CLSPN: variants seen among roughly 807,000 people sequenced by gnomAD.
CLSPN encodes the protein claspin.
Under a neutral mutation model 156.3 loss-of-function variants are expected in CLSPN, and 85 were observed. The ratio of observed to expected loss-of-function variants is 0.54; its 90% CI spans 0.46 to 0.65. The LOEUF is 0.65. Among genes scored for constraint, CLSPN ranks in the 30% least tolerant of loss-of-function variants. CLSPN has a pLI of 0.00. For synonymous variants in CLSPN, 534 were observed against 542.4 expected (o/e 0.98, Z 0.22); for missense variants, 1,407 against 1,554.9 (o/e 0.90, Z 1.60).
At chr1:35,738,613 G>C (rs767349415) in intron 20 of CLSPN, 31 bp from the exon 21 acceptor site, 25 of 1,611,840 alleles carry the variant, frequency 1.6e-5, no homozygotes, top group Non-Finnish European at 1.9e-5. Context: ...ATCAGCATTC[G>C]GCAGTCCTCA....
intron 24 of CLSPN, among the ~76,000 whole-genome samples, chr1:35,726,517 A>C (rs894735567): frequency 6.6e-6 from 1 of 152,184 alleles, no homozygotes; most frequent in Admixed American, 6.5e-5. Flanking sequence ...AAATTGTGAC[A>C]AAAGGAAATT....
intron 1 of CLSPN, among the ~76,000 whole-genome samples, chr1:35,766,630 G>C (rs1364542034): frequency 1.3e-5 from 2 of 151,340 alleles, no homozygotes; most frequent in African/African-American, 4.9e-5. Context: ...TTTTAGTAGA[G>C]ATGGGGTTTC....
chr1:35,769,695 G>T, intron 1 of CLSPN, 152 bp downstream of exon 1: 2 of 636,718 alleles, frequency 3.1e-6, no homozygotes, highest in Non-Finnish European at 4.9e-6. Context: ...TCCCGGCCGA[G>T]TCTCGAGGCC....
Position 35,736,318 on chromosome 1 carries a change from T to A in CLSPN, c.*178A>T. ...AATCAGTGGCCAATTCAGGGAATAA[T>A]ACTAGGAAAAGAGATGTCCAGAGCT... On this transcript the variant is annotated 3_prime_UTR_variant, in exon 25 of 25. Coordinates refer to ENST00000318121, the MANE Select transcript of CLSPN (RefSeq NM_022111.4). 1 of 1,232,786 alleles carries A rather than the reference T, an allele frequency of 8.1e-7. No individual in the cohort carries two copies. Among genetic ancestry groups the A allele is most frequent in the Middle Eastern group, 3.2e-4 (1 of 3,152 alleles). 76.4% of individuals were successfully genotyped at this position (1,232,786 alleles called of 1,614,324 possible). A position where few individuals can be genotyped will look rare whatever the true frequency, so the allele number is the denominator to read the frequency against.
At chr1:35,749,888 T>C (rs1292120758) in intron 10 of CLSPN, 77 bp from the exon 11 acceptor site, 1 of 1,487,134 alleles carries the variant, frequency 6.7e-7, no homozygotes, top group Non-Finnish European at 9.0e-7. Flanking sequence ...TAGCCTGAAA[T>C]ATGGCTGATT....
In CLSPN at chr1:35,726,489, G is replaced by A. The variant is rs527491651; in HGVS notation, c.3910-5509C>T. 5.9e-5 allele frequency among the ~76,000 whole-genome samples: 9 copies of A among 152,270 alleles called. No homozygotes were observed. In the South Asian group the frequency reaches 8.3e-4, roughly 14 times the overall value. ...ACAATGCTGGGTGGTGGTGGTGGGG[G>A]TGCGGTTTCAAGAAGTCAAATTGTG... On this transcript the variant is annotated intron_variant, in intron 24 of 24. Transcript: ENST00000251195.
Position 35,736,389 on chromosome 1 carries a change from T to A in CLSPN, c.*107A>T. The A allele has an allele frequency of 1.4e-6, 2 of 1,442,816 alleles. No individual in the cohort carries two copies. The highest frequency in any genetic ancestry group is 1.8e-6 in the Non-Finnish European group (2 of 1,098,588). 89.4% of individuals were successfully genotyped at this position (1,442,816 alleles called of 1,614,324 possible). On this transcript the variant is annotated 3_prime_UTR_variant, in exon 25 of 25. Transcript: ENST00000318121. ...ATTTCTGTCTGCAATCTTATTGCATTGATTATGAAAGAAGGAAGGATCATT... is the reference window on the plus strand; with the variant it reads ...ATTTCTGTCTGCAATCTTATTGCATAGATTATGAAAGAAGGAAGGATCATT...
rs548353420 is a variant in CLSPN at position 35,769,947 on chromosome 1, C to G, written c.-77G>C. 6.4e-7 allele frequency: 1 copy of G among 1,557,420 alleles called. No individual in the cohort carries two copies. The highest frequency in any genetic ancestry group is 8.8e-7 in the Non-Finnish European group (1 of 1,138,976). On this transcript the variant is annotated 5_prime_UTR_variant, in exon 1 of 25. Coordinates refer to ENST00000318121, the MANE Select transcript of CLSPN (RefSeq NM_022111.4). ...TCAGCCGGAGAGCAGCGGCTCCCGCCGTCTCCAGCCCAGCAGTGCTGTTCT... is the reference window on the plus strand; with the variant it reads ...TCAGCCGGAGAGCAGCGGCTCCCGCGGTCTCCAGCCCAGCAGTGCTGTTCT...
At chr1:35,752,703 G>A (rs1326438908) in intron 9 of CLSPN, among the ~76,000 whole-genome samples, 1 of 151,628 alleles carries the variant, frequency 6.6e-6, no homozygotes, top group Non-Finnish European at 1.5e-5. Context: ...ACTTGAGCAA[G>A]TGTCTTAAGT....
chr1:35,743,835 T>G (rs1641781290), intron 16 of CLSPN, among the ~76,000 whole-genome samples: 1 of 152,160 alleles, frequency 6.6e-6, no homozygotes, highest in African/African-American at 2.4e-5. Flanking sequence ...TTGCCCAGGT[T>G]CATCTTGAAT....
Position 35,765,262 on chromosome 1 carries a change from C to T in CLSPN, c.89G>A (p.Ser30Asn). The part of the protein sequence containing the change: ...SQEEADSPSD[S>N]GQGSYETIGP... ...AATTGTTTCATAGCTGCCCTGTCCA[C>T]TATCTGAAGGACTATCTGCTTCCTC... is the stretch of plus-strand genomic sequence containing the variant. The change falls in exon 2 of 25, where the codon AGT becomes AAT. Residue 30 changes from serine (S) to asparagine (N), a missense_variant. Physicochemically the swap from Ser to Asn is conservative, Grantham distance 46. Coordinates refer to ENST00000318121, the MANE Select transcript of CLSPN (RefSeq NM_022111.4). 1 of 1,613,976 alleles carries T rather than the reference C, an allele frequency of 6.2e-7. No individual in the cohort carries two copies. Among genetic ancestry groups the T allele is most frequent in the Non-Finnish European group, 8.5e-7 (1 of 1,179,910 alleles).
intron 16 of CLSPN, among the ~76,000 whole-genome samples, chr1:35,744,796 A>C (rs1418430895): frequency 6.6e-6 from 1 of 152,058 alleles, no homozygotes; most frequent in Non-Finnish European, 1.5e-5. Context: ...AAATTGCTGG[A>C]TCATATGGTC....
chr1:35,728,895 A>G (rs1214796207), downstream of CLSPN, among the ~76,000 whole-genome samples: 2 of 149,936 alleles, frequency 1.3e-5, no homozygotes, highest in Non-Finnish European at 3.0e-5. Flanking sequence ...CTACAGAGAC[A>G]TTCACTCAAC....
downstream of CLSPN, among the ~76,000 whole-genome samples, chr1:35,729,153 T>A (rs1435407522): frequency 1.3e-5 from 2 of 151,904 alleles, no homozygotes; most frequent in Non-Finnish European, 2.9e-5. Context: ...TTTCCTTCCT[T>A]CAGCCTCTGA....
rs756927741 is a variant in CLSPN, at chr1:35,745,543, T to C, written c.2874A>G (p.Ser958=). ...CCTTCTCCTGTTTATTTAACTCTGATGAGGCTGGAGTGGAGGCATCTACAT... is the reference window on the plus strand; with the variant it reads ...CCTTCTCCTGTTTATTTAACTCTGACGAGGCTGGAGTGGAGGCATCTACAT... ...FTSQDASTPA[S]SELNKQEKES... is the part of the protein sequence containing the mutation. Residue 958 remains serine (S), a synonymous_variant, in exon 16 of 25, where the codon TCA becomes TCG. Coordinates refer to ENST00000318121, the MANE Select transcript of CLSPN (RefSeq NM_022111.4). The C allele has an allele frequency of 3.1e-6, 5 of 1,613,670 alleles. No homozygotes were observed. In the South Asian group the frequency reaches 5.5e-5, roughly 18 times the overall value.
Position 35,764,825 on chromosome 1 carries a change from C to T in CLSPN, c.134-111G>A, listed in dbSNP as rs368993976. The T allele has an allele frequency of 7.2e-5, 48 of 662,460 alleles. No homozygotes were observed. The African/African-American group carries it at 8.2e-4, about 11-fold the overall frequency. 41.0% of individuals were successfully genotyped at this position (662,460 alleles called of 1,614,324 possible). ...AGTGATATATAACATTGTGAAATTA[C>T]GTGACTACTGTTAAGAACTGATTGT... On this transcript the variant is annotated intron_variant, in intron 2 of 24. Transcript: ENST00000318121.
Position 35,769,950 on chromosome 1 carries a change from C to G in CLSPN, c.-80G>C. 6.4e-7 allele frequency: 1 copy of G among 1,555,636 alleles called. No individual in the cohort carries two copies. On this transcript the variant is annotated 5_prime_UTR_variant, in exon 1 of 25. Transcript: ENST00000318121. ...GCCGGAGAGCAGCGGCTCCCGCCGT[C>G]TCCAGCCCAGCAGTGCTGTTCTTGC...
rs1642609818 is a variant in CLSPN at position 35,764,669 on chromosome 1, T to C, written c.179A>G (p.Lys60Arg). Residue 60 changes from lysine to arginine, a missense_variant, in exon 3 of 25, where the codon AAG becomes AGG. Lys to Arg is a conservative substitution (Grantham distance 26). This residue lies in a region of CLSPN where 1,096 missense variants were observed against 1,193.0 expected (regional missense o/e 0.92). Coordinates refer to ENST00000318121, the MANE Select transcript of CLSPN (RefSeq NM_022111.4). ...TTCGGAATCACTGTCTTGTAGAACC[T>C]TCCTGTTTTTCAACTTCTTACTTAC... Reference protein sequence around the residue: ...IFVSKKLKNRKVLQDSDSETE... With the variant: ...IFVSKKLKNRRVLQDSDSETE... 6.3e-7 allele frequency: 1 copy of C among 1,587,946 alleles called. No individual in the cohort carries two copies. The highest frequency in any genetic ancestry group is 1.4e-5 in the African/African-American group (1 of 73,186).
chr1:35,760,883 T>C lies in CLSPN; in HGVS notation c.1038A>G (p.Glu346=). ...SSKYQSSHHK[E]IIDTANTTEM... ...CAGTAGTATTTGCAGTGTCTATGAT[T>C]TCTTTGTGATGGCTTGACTGATATT... The change falls in exon 8 of 25, where the codon GAA becomes GAG. Residue 346 remains glutamate (E), a synonymous_variant. Transcript: ENST00000318121. 1 of 1,612,516 alleles carries C rather than the reference T, an allele frequency of 6.2e-7. No individual in the cohort carries two copies. Among genetic ancestry groups the C allele is most frequent in the Non-Finnish European group, 8.5e-7 (1 of 1,178,800 alleles).
Sources: gnomAD v4.1 joint callset for allele counts (sites outside exome capture counted in the v4.1 genomes callset) on GRCh38, gnomAD v4.1.1 for gene constraint, gnomAD v4.1.1 regional missense constraint, MANE v1.5 for transcripts, NCBI Gene and HGNC (gene_info 2026-07-23, HGNC 2026-07-21) for gene names.